The following TNIK variants were observed in gnomAD, a reference collection of about 807,000 sequenced individuals.
The protein encoded by TNIK is TRAF2 and NCK-interacting protein kinase.
Under a neutral mutation model 191.3 loss-of-function variants are expected in TNIK, and 49 were observed. That is an observed-to-expected ratio of 0.26 (90% CI 0.20 to 0.32). The LOEUF (loss-of-function observed/expected upper bound fraction) is 0.32, where lower values mean the gene tolerates loss of function less well. Among genes scored for constraint, TNIK ranks in the 10% least tolerant of loss-of-function variants. The pLI is 1.00. For missense variants in TNIK, 1,155 were observed against 1,702.3 expected (o/e 0.68, Z 5.66); for synonymous variants, 594 against 600.9 (o/e 0.99, Z 0.17).
intron 4 of TNIK, among the ~76,000 whole-genome samples, chr3:171,199,218 GA>G (rs66941170): frequency 0.023 from 3,378 of 148,120 alleles, 45 homozygotes; most frequent in African/African-American, 0.043. Flanking sequence ...AAAAAAAAAA[GA>G]AAAAAAACAG....
intron 15 of TNIK, among the ~76,000 whole-genome samples, chr3:171,137,470 A>G (rs913181234): frequency 6.6e-6 from 1 of 152,192 alleles, no homozygotes; most frequent in Non-Finnish European, 1.5e-5. Flanking sequence ...GACCTCACAC[A>G]GTGACTCCCT....
intron 12 of TNIK, among the ~76,000 whole-genome samples, chr3:171,144,276 A>G (rs1272877925): frequency 6.6e-6 from 1 of 152,152 alleles, no homozygotes; most frequent in African/African-American, 2.4e-5. Context: ...GATAGAACCT[A>G]CTGTTAAAGT....
intron 2 of TNIK, among the ~76,000 whole-genome samples, chr3:171,360,709 A>G (rs534852863): frequency 6.6e-6 from 1 of 152,166 alleles, no homozygotes; most frequent in South Asian, 2.1e-4. Context: ...TGGTAACACT[A>G]CCTCTCCCTA....
chr3:171,336,320 G>A (rs1192922288), intron 2 of TNIK, among the ~76,000 whole-genome samples: 1 of 152,070 alleles, frequency 6.6e-6, no homozygotes, highest in African/African-American at 2.4e-5. Context: ...ATACTGTGCT[G>A]TAACAACTGA....
chr3:171,383,145 A>T (rs1354073437), intron 1 of TNIK, among the ~76,000 whole-genome samples: 1 of 152,210 alleles, frequency 6.6e-6, no homozygotes, highest in East Asian at 1.9e-4. Context: ...ATCTGAAGGC[A>T]GCTCCCAGAA....
chr3:171,357,051 C>A (rs575827439), intron 2 of TNIK, among the ~76,000 whole-genome samples: 7 of 152,130 alleles, frequency 4.6e-5, no homozygotes, highest in African/African-American at 1.4e-4. Flanking sequence ...ACAAAAACAG[C>A]CTTAGAATCA....
intron 18 of TNIK, among the ~76,000 whole-genome samples, chr3:171,118,561 A>C (rs953465777): frequency 1.3e-5 from 2 of 152,204 alleles, no homozygotes; most frequent in Non-Finnish European, 1.5e-5. Flanking sequence ...ACAGTAACCA[A>C]AACAGCATGG....
At position 171,128,886 on chromosome 3, in the gene TNIK, C is replaced by CAAAA. The variant is rs1728858529; in HGVS notation, c.1609-9_1609-8insTTTT. ...CCTTGACCGTTCTTCTACCTACAAC[C>CAAAA]CAAAAAAAAAAAAAAAAAAAAGACA... On this transcript the variant is annotated splice_polypyrimidine_tract_variant and intron_variant, in intron 15 of 32. Coordinates refer to ENST00000436636, the MANE Select transcript of TNIK (RefSeq NM_015028.4). The CAAAA allele has an allele frequency of 1.7e-5, 21 of 1,202,196 alleles. No individual in the cohort carries two copies. In the South Asian group the frequency reaches 2.5e-4, roughly 14 times the overall value. 74.5% of individuals were successfully genotyped at this position (1,202,196 alleles called of 1,614,324 possible).
chr3:171,455,661 A>C (rs1728712104), intron 1 of TNIK, among the ~76,000 whole-genome samples: 1 of 152,228 alleles, frequency 6.6e-6, no homozygotes, highest in African/African-American at 2.4e-5. Context: ...TTTTTAAAGC[A>C]TTGCCTTAAA....
intron 18 of TNIK, among the ~76,000 whole-genome samples, chr3:171,112,289 C>G (rs1725967794): frequency 1.3e-5 from 2 of 152,250 alleles, no homozygotes; most frequent in Middle Eastern, 3.4e-3. Context: ...GTAAAAAGAG[C>G]ACTTACAAGA....
chr3:171,405,324 T>C (rs755373781), intron 1 of TNIK, among the ~76,000 whole-genome samples: 1 of 152,152 alleles, frequency 6.6e-6, no homozygotes, highest in African/African-American at 2.4e-5. Context: ...GCAACCCCTA[T>C]GTAAGTTTTT....
chr3:171,090,144 A>T (rs1241763181), intron 23 of TNIK, among the ~76,000 whole-genome samples: 5 of 152,202 alleles, frequency 3.3e-5, no homozygotes, highest in African/African-American at 1.2e-4. Context: ...GAGCATGCAG[A>T]GGGAGAGAAA....
At chr3:171,201,282 C>T (rs1421817544) in intron 4 of TNIK, among the ~76,000 whole-genome samples, 2 of 152,044 alleles carry the variant, frequency 1.3e-5, no homozygotes, top group African/African-American at 2.4e-5. Flanking sequence ...GCCTGTAATC[C>T]CAGCTACTCG....
At chr3:171,126,183 A>G (rs1728454075) in intron 16 of TNIK, 32 bp from the exon 17 acceptor site, 2 of 1,506,234 alleles carry the variant, frequency 1.3e-6, no homozygotes, top group African/African-American at 2.8e-5. Context: ...AAACAGCACT[A>G]TTAGAAGAAA....
Position 171,158,626 on chromosome 3 carries a change from T to C in TNIK, c.1017-962A>G, listed in dbSNP as rs79092478. Among the ~76,000 whole-genome samples, 1,318 of 152,356 alleles carry C rather than the reference T, an allele frequency of 8.7e-3. 14 individuals carry two copies. Among genetic ancestry groups the C allele is most frequent in the African/African-American group, 0.03 (1,262 of 41,586 alleles). ...ACACATATTTACGGAGCACCTGCTA[T>C]GTGGCAGTCACTGTAGTAAGCTCTA... On this transcript the variant is annotated intron_variant, in intron 11 of 32. Transcript: ENST00000436636.
chr3:171,381,584 C>T (rs1718036601), intron 1 of TNIK, among the ~76,000 whole-genome samples: 1 of 152,156 alleles, frequency 6.6e-6, no homozygotes, highest in Middle Eastern at 3.2e-3. Flanking sequence ...ATCAATGCCA[C>T]CCAATATTCA....
At chr3:171,428,232 A>G (rs543109073) in intron 1 of TNIK, among the ~76,000 whole-genome samples, 1 of 152,308 alleles carries the variant, frequency 6.6e-6, no homozygotes, top group East Asian at 1.9e-4. Context: ...GAGAAAGTTG[A>G]TAGTTGCATA....
intron 10 of TNIK, among the ~76,000 whole-genome samples, chr3:171,162,929 G>A (rs916176810): frequency 1.3e-5 from 2 of 152,228 alleles, no homozygotes; most frequent in African/African-American, 4.8e-5. Context: ...GAAAGGAACA[G>A]CTAGTGCCAC....
intron 1 of TNIK, among the ~76,000 whole-genome samples, chr3:171,391,109 G>A (rs1174783383): frequency 6.6e-6 from 1 of 152,164 alleles, no homozygotes; most frequent in Non-Finnish European, 1.5e-5. Flanking sequence ...CTTCCCAGAG[G>A]ATGCATCTAC....
Sources: gnomAD v4.1 joint callset for allele counts (sites outside exome capture counted in the v4.1 genomes callset) on GRCh38, gnomAD v4.1.1 for gene constraint, MANE v1.5 for transcripts, NCBI Gene and HGNC (gene_info 2026-07-23, HGNC 2026-07-21) for gene names.